CSMD1: variants seen among roughly 807,000 people sequenced by gnomAD.
The protein encoded by CSMD1 is CUB and Sushi multiple domains 1, also known as CUB and sushi domain-containing protein 1.
Under a neutral mutation model 417.5 loss-of-function variants are expected in CSMD1, and 213 were observed. The observed-to-expected ratio is 0.51, with a 90% CI of 0.46 to 0.57. The LOEUF is 0.57. Among genes scored for constraint, CSMD1 ranks in the 20% least tolerant of loss-of-function variants. The pLI, the probability that CSMD1 is intolerant of heterozygous loss-of-function variation, is 0.00. For synonymous variants in CSMD1, 2,862 were observed against 1,736.8 expected, an observed-to-expected ratio of 1.65 and a Z score of -16.11; for missense variants, 6,923 against 4,529.7, an observed-to-expected ratio of 1.53 and a Z score of -15.17.
At chr8:3,341,787 A>AGTAAAT (rs1807673849) in intron 23 of CSMD1, among the ~76,000 whole-genome samples, 1 of 152,212 alleles carries the variant, frequency 6.6e-6, no homozygotes, top group Admixed American at 6.5e-5. Flanking sequence ...ATTTACCCAC[A>AGTAAAT]GGCTTTTCAA....
chr8:4,380,621 C>T (rs148249127), intron 3 of CSMD1, among the ~76,000 whole-genome samples: 224 of 152,170 alleles, frequency 1.5e-3, no homozygotes, highest in African/African-American at 5.2e-3. Context: ...CAATGCGGTA[C>T]GGACTGTAGT....
intron 30 of CSMD1, among the ~76,000 whole-genome samples, chr8:3,206,421 ATG>A (rs1400841091): frequency 1.4e-4 from 7 of 50,284 alleles, no homozygotes; most frequent in African/African-American, 1.7e-4. Context: ...CTGTGTGTGT[ATG>A]TGTGTGTGTG....
intron 1 of CSMD1, among the ~76,000 whole-genome samples, chr8:4,926,929 T>C (rs1003838189): frequency 4.6e-5 from 7 of 152,104 alleles, no homozygotes; most frequent in African/African-American, 1.7e-4. Flanking sequence ...TTTTAAACCA[T>C]TTACTTGGAC....
chr8:3,490,853 T>A (rs1585243201), intron 11 of CSMD1, among the ~76,000 whole-genome samples: 1 of 150,656 alleles, frequency 6.6e-6, no homozygotes, highest in Non-Finnish European at 1.5e-5. Flanking sequence ...AGGACTCTGT[T>A]TTTAAAAATA....
intron 1 of CSMD1, among the ~76,000 whole-genome samples, chr8:4,757,109 C>A (rs1007197555): frequency 2.0e-5 from 3 of 152,184 alleles, no homozygotes; most frequent in African/African-American, 7.2e-5. Flanking sequence ...AGAACAAACA[C>A]AAACATAAGT....
intron 3 of CSMD1, among the ~76,000 whole-genome samples, chr8:4,047,224 C>G (rs1254928861): frequency 6.6e-6 from 1 of 152,114 alleles, no homozygotes; most frequent in Non-Finnish European, 1.5e-5. Flanking sequence ...TTCAGTCTGA[C>G]TCTAGTGTTC....
At chr8:3,620,891 G>C (rs4875753) in intron 7 of CSMD1, among the ~76,000 whole-genome samples, 101,532 of 151,936 alleles carry the variant, frequency 0.67, 34,365 homozygotes, top group African/African-American at 0.74. Flanking sequence ...TCCCCGCAAA[G>C]GGTTACACCT....
Position 2,942,605 on chromosome 8 carries a change from C to A in CSMD1, c.10403-1G>T. ...GAGTCTTGATCTGGGTTTAAAGGAT[C>A]TGTAAGATAAAGGAAATATTAAATT... On this transcript the variant is annotated splice_acceptor_variant, in intron 68 of 69. Transcript: ENST00000635120. LOFTEE classifies it high-confidence loss of function. 1 of 1,566,168 alleles carries A rather than the reference C, an allele frequency of 6.4e-7. No individual in the cohort carries two copies. Among genetic ancestry groups the A allele is most frequent in the Non-Finnish European group, 8.7e-7 (1 of 1,154,710 alleles).
chr8:3,366,197 C>A (rs998514034), intron 20 of CSMD1, among the ~76,000 whole-genome samples: 1 of 152,070 alleles, frequency 6.6e-6, no homozygotes. Context: ...ATGATTGTTC[C>A]CATCCTTTGG....
intron 4 of CSMD1, among the ~76,000 whole-genome samples, chr8:4,027,445 C>T (rs922764267): frequency 2.0e-5 from 3 of 151,992 alleles, no homozygotes; most frequent in African/African-American, 7.2e-5. Context: ...GGTGGGTCCT[C>T]CATGCTGTTC....
intron 12 of CSMD1, among the ~76,000 whole-genome samples, chr8:3,459,814 T>C (rs1816385961): frequency 6.6e-6 from 1 of 152,154 alleles, no homozygotes; most frequent in African/African-American, 2.4e-5. Context: ...ACAGTCTGTG[T>C]TGACTCATTG....
chr8:4,752,118 C>T (rs1216619457), intron 1 of CSMD1, among the ~76,000 whole-genome samples: 1 of 151,984 alleles, frequency 6.6e-6, no homozygotes, highest in Non-Finnish European at 1.5e-5. Flanking sequence ...ATATATATCA[C>T]ATGTATATAT....
intron 12 of CSMD1, among the ~76,000 whole-genome samples, chr8:3,454,058 A>G (rs542036976): frequency 6.6e-6 from 1 of 152,182 alleles, no homozygotes; most frequent in South Asian, 2.1e-4. Flanking sequence ...TCCCTTTACC[A>G]TTATGTAATG....
intron 50 of CSMD1, among the ~76,000 whole-genome samples, chr8:3,044,293 C>T (rs76203548): frequency 6.6e-6 from 1 of 152,018 alleles, no homozygotes; most frequent in African/African-American, 2.4e-5. Context: ...TATTTATTTT[C>T]TTGTTGCATG....
chr8:3,559,196 C>T (rs191648537), intron 10 of CSMD1, among the ~76,000 whole-genome samples: 77 of 152,240 alleles, frequency 5.1e-4, no homozygotes, highest in Non-Finnish European at 8.8e-4. Flanking sequence ...TGTGTTTGGG[C>T]AATAAGTATC....
chr8:3,860,193 C>T (rs1804602326), intron 5 of CSMD1, among the ~76,000 whole-genome samples: 1 of 152,064 alleles, frequency 6.6e-6, no homozygotes, highest in East Asian at 1.9e-4. Context: ...TTGAGTGATT[C>T]ATATGAAAGT....
At chr8:4,211,002 C>T (rs1038660856) in intron 3 of CSMD1, among the ~76,000 whole-genome samples, 11 of 152,060 alleles carry the variant, frequency 7.2e-5, no homozygotes, top group African/African-American at 2.4e-4. Context: ...ACAGAAAGAA[C>T]CACAATGAAA....
At chr8:4,408,927 A>T (rs960869140) in intron 3 of CSMD1, among the ~76,000 whole-genome samples, 17 of 152,230 alleles carry the variant, frequency 1.1e-4, no homozygotes, top group Admixed American at 9.8e-4. Flanking sequence ...GAACATCAGA[A>T]ATCATAAATT....
chr8:4,172,557 G>A (rs935225163), intron 3 of CSMD1, among the ~76,000 whole-genome samples: 2 of 151,940 alleles, frequency 1.3e-5, no homozygotes, highest in Non-Finnish European at 2.9e-5. Flanking sequence ...GGAAAGTGAG[G>A]CTCCACAAAT....
Sources: gnomAD v4.1 joint callset for allele counts (sites outside exome capture counted in the v4.1 genomes callset) on GRCh38, gnomAD v4.1.1 for gene constraint, MANE v1.5 for transcripts, NCBI Gene and HGNC (gene_info 2026-07-23, HGNC 2026-07-21) for gene names.